RGS3: variants seen among roughly 807,000 people sequenced by gnomAD.
RGS3 encodes regulator of G-protein signalling 3.
RGS3 carries 80 observed loss-of-function variants against 132.6 expected under a neutral mutation model. The observed-to-expected ratio is 0.60, with a 90% CI of 0.50 to 0.73. The LOEUF is 0.73. Among genes scored for constraint, RGS3 ranks in the 30% least tolerant of loss-of-function variants. The pLI, the probability that RGS3 is intolerant of heterozygous loss-of-function variation, is 0.00. For missense variants in RGS3, 1,382 were observed against 1,530.8 expected, an observed-to-expected ratio of 0.90 and a Z score of 1.62; for synonymous variants, 598 against 620.6, an observed-to-expected ratio of 0.96 and a Z score of 0.54.
At chr9:113,474,026 A>G (rs1351163495) in intron 3 of RGS3, among the ~76,000 whole-genome samples, 1 of 152,192 alleles carries the variant, frequency 6.6e-6, no homozygotes, top group Non-Finnish European at 1.5e-5. Flanking sequence ...CAGCTTGCCC[A>G]GGACGGACCT....
rs187819864 is a variant in RGS3, at chr9:113,558,458, G to T, written c.2037+21540G>T. On this transcript the variant is annotated intron_variant, in intron 19 of 24. Transcript: ENST00000350696. ...GCGGAGGTTGCAATGAGCTGAGATT[G>T]TGCCATTGCACTCCAGCCTGGGCAA... Among the ~76,000 whole-genome samples the T allele has an allele frequency of 3.3e-5, 5 of 152,230 alleles. 1 individual carries two copies. The highest frequency in any genetic ancestry group is 1.3e-4 in the Admixed American group (2 of 15,304).
At position 113,507,775 on chromosome 9, in the gene RGS3, A is replaced by G; in HGVS notation, c.1437+137A>G. ...TGGGCAAGGAGATGGGGTATGTGCT[A>G]GCTCTGCCTTCTGCAAGGCTGTTCT... On this transcript the variant is annotated intron_variant, in intron 13 of 24. Transcript: ENST00000350696. This position sits in a 1 kb window ranked among gnomAD's most constrained non-coding sequence, Gnocchi z 5.0. 3 of 668,458 alleles carry G rather than the reference A, an allele frequency of 4.5e-6. No individual in the cohort carries two copies. The highest frequency in any genetic ancestry group is 2.4e-6 in the Non-Finnish European group (1 of 420,820). The allele number at this position is 668,458 out of a possible 1,614,324, so 41.4% of individuals were successfully genotyped here.
At chr9:113,480,072 A>G (rs554048217) in intron 4 of RGS3, among the ~76,000 whole-genome samples, 11 of 152,330 alleles carry the variant, frequency 7.2e-5, no homozygotes, top group African/African-American at 2.4e-4. Context: ...TGTATCTTAC[A>G]GGTTGCTACA....
intron 7 of RGS3, among the ~76,000 whole-genome samples, chr9:113,489,025 ATTC>A (rs1447247013): frequency 6.6e-6 from 1 of 152,242 alleles, no homozygotes; most frequent in African/African-American, 2.4e-5. Flanking sequence ...CATTTATGGA[ATTC>A]TTCTCTGTGC....
exon 20 of RGS3, chr9:113,584,382 T>C: frequency 6.5e-7 from 1 of 1,545,524 alleles, no homozygotes. Context: ...GCCGCAATGG[T>C]GGCTCCATGC....
Position 113,507,306 on chromosome 9 carries a change from A to G in RGS3, c.1105A>G (p.Ile369Val). The G allele has an allele frequency of 6.2e-7, 1 of 1,612,588 alleles. No homozygotes were observed. The highest frequency in any genetic ancestry group is 8.5e-7 in the Non-Finnish European group (1 of 1,179,406). Reference sequence around the variant, plus strand: ...TTCCAGGAGCTGCCCCAGTGAGATCATCCTACTCGTGTGGCGCATGGTCCC... The same window carrying G: ...TTCCAGGAGCTGCCCCAGTGAGATCGTCCTACTCGTGTGGCGCATGGTCCC... Residue 369 changes from isoleucine (I) to valine (V), a missense_variant, in exon 13 of 25, where the codon ATC (isoleucine) becomes GTC (valine). Physicochemically the swap from Ile to Val is conservative, Grantham distance 29. Transcript: ENST00000350696. This position sits in a 1 kb window ranked among gnomAD's most constrained non-coding sequence, Gnocchi z 5.0.
chr9:113,447,327 A>ATATATATATATATATATATATATATGTG lies in RGS3; in HGVS notation c.-13+2401_-13+2402insATATATATATATATATATATATATGTGT, dbSNP rs1484683848. 2.2e-4 allele frequency among the ~76,000 whole-genome samples: 16 copies of ATATATATATATATATATATATATATGTG among 72,624 alleles called. 1 individual carries two copies. The highest frequency in any genetic ancestry group is 4.5e-4 in the Non-Finnish European group (16 of 35,482). 47.6% of individuals were successfully genotyped at this position (72,624 alleles called of 152,430 possible). Reference sequence around the variant, plus strand: ...AACCAATAAATTCTGATGTATGTATATGTATATATATATATATATATATAT... The same window carrying ATATATATATATATATATATATATATGTG: ...AACCAATAAATTCTGATGTATGTATATATATATATATATATATATATATATGTGTGTATATATATATATATATATATAT... On this transcript the variant is annotated intron_variant, in intron 1 of 25. Transcript: ENST00000374140.
intron 8 of RGS3, among the ~76,000 whole-genome samples, 158 bp downstream of exon 6, chr9:113,496,004 T>C (rs1830672049): frequency 6.6e-6 from 1 of 152,158 alleles, no homozygotes; most frequent in Non-Finnish European, 1.5e-5. Flanking sequence ...CAGCACTGTG[T>C]TTATTACCTG....
intron 1 of RGS3, among the ~76,000 whole-genome samples, chr9:113,460,701 C>A (rs1829451958): frequency 6.6e-6 from 1 of 152,006 alleles, no homozygotes; most frequent in South Asian, 2.1e-4. Context: ...TATTTAACAC[C>A]ATTTAACATC....
At chr9:113,534,111 G>A (rs1410881179) in intron 18 of RGS3, among the ~76,000 whole-genome samples, 1 of 152,202 alleles carries the variant, frequency 6.6e-6, no homozygotes, top group Admixed American at 6.5e-5. Context: ...ATTCCTGAGG[G>A]TTGGGTTGGA....
chr9:113,596,643 G>A, intron 24 of RGS3, 125 bp from the exon 23 acceptor site: 1 of 744,218 alleles, frequency 1.3e-6, no homozygotes, highest in Non-Finnish European at 2.1e-6. Flanking sequence ...TACTTCAGAT[G>A]AACCTTAAGA....
At chr9:113,551,556 A>C (rs1833339180) in intron 19 of RGS3, among the ~76,000 whole-genome samples, 1 of 152,222 alleles carries the variant, frequency 6.6e-6, no homozygotes. Flanking sequence ...CTGTTGTCCA[A>C]AGTGGATGTA....
At chr9:113,451,653 T>C (rs1049877840) in intron 1 of RGS3, among the ~76,000 whole-genome samples, 1 of 152,028 alleles carries the variant, frequency 6.6e-6, no homozygotes, top group Non-Finnish European at 1.5e-5. Flanking sequence ...ACATATGCAA[T>C]TTATTACAGG....
chr9:113,561,100 T>C (rs1476521012), intron 19 of RGS3, among the ~76,000 whole-genome samples: 1 of 152,104 alleles, frequency 6.6e-6, no homozygotes, highest in African/African-American at 2.4e-5. Context: ...CTCGGCTCAC[T>C]GCAATCTTCA....
chr9:113,471,014 T>G (rs1019520999), intron 3 of RGS3, among the ~76,000 whole-genome samples: 6 of 152,068 alleles, frequency 3.9e-5, no homozygotes, highest in African/African-American at 1.4e-4. Context: ...TTGTTGTTAT[T>G]ATTATTATTT....
intron 18 of RGS3, among the ~76,000 whole-genome samples, chr9:113,532,126 C>A (rs146625317): frequency 6.6e-6 from 1 of 152,090 alleles, no homozygotes; most frequent in African/African-American, 2.4e-5. Context: ...CAGGAGGCAC[C>A]GTCTGAGTGA....
intron 17 of RGS3, among the ~76,000 whole-genome samples, chr9:113,527,150 C>T (rs929155432): frequency 6.6e-6 from 1 of 152,226 alleles, no homozygotes; most frequent in Non-Finnish European, 1.5e-5. Flanking sequence ...AAGGGTGTCA[C>T]AGCACAGAAA....
intron 7 of RGS3, among the ~76,000 whole-genome samples, chr9:113,491,236 A>C (rs1830511550): frequency 6.7e-6 from 1 of 148,252 alleles, no homozygotes; most frequent in East Asian, 1.9e-4. Flanking sequence ...TGTTATATAT[A>C]TGTAATTAAA....
At chr9:113,535,157 GT>G (rs376942958) in intron 18 of RGS3, among the ~76,000 whole-genome samples, 10 of 149,700 alleles carry the variant, frequency 6.7e-5, no homozygotes, top group African/African-American at 1.7e-4. Context: ...ATTTTATTTT[GT>G]TTTTTTTTCG....
Sources: allele counts gnomAD v4.1 joint callset (sites outside exome capture counted in the v4.1 genomes callset), GRCh38; gene constraint gnomAD v4.1.1; non-coding constraint Gnocchi (gnomAD v3.1); transcripts MANE v1.5; gene names NCBI Gene and HGNC (gene_info 2026-07-23, HGNC 2026-07-21).